Variants in KIRREL3 observed in about 807,000 individuals in gnomAD.
KIRREL3 encodes the protein kirre like nephrin family adhesion molecule 3.
Under a neutral mutation model 89.7 loss-of-function variants are expected in KIRREL3, and 36 were observed. The observed-to-expected ratio is 0.40, with a 90% CI of 0.31 to 0.53. KIRREL3 has a LOEUF of 0.53. Among genes scored for constraint, KIRREL3 ranks in the 20% least tolerant of loss-of-function variants. The probability of loss-of-function intolerance (pLI) is 0.49; values close to 1 mark genes in which losing one functional copy is unlikely to be tolerated. For synonymous variants in KIRREL3, 445 were observed against 441.4 expected, an observed-to-expected ratio of 1.01 and a Z score of -0.10; for missense variants, 864 against 1,056.6, an observed-to-expected ratio of 0.82 and a Z score of 2.53.
chr11:126,549,620 TC>T, intron 2 of KIRREL3: 1 of 152,280 alleles, frequency 6.6e-6, no homozygotes, highest in South Asian at 2.1e-4. Flanking sequence ...GTCTCAGCAC[TC>T]AAAGAATTCT....
In KIRREL3 at chr11:126,655,233, G is replaced by A. The variant is rs73030564; in HGVS notation, c.56-92321C>T. Among the ~76,000 whole-genome samples the A allele has an allele frequency of 6.4e-4, 97 of 152,352 alleles. No homozygotes were observed. Among genetic ancestry groups the A allele is most frequent in the South Asian group, 1.2e-3 (6 of 4,834 alleles). On this transcript the variant is annotated intron_variant, in intron 1 of 16. Coordinates refer to ENST00000525144, the MANE Select transcript of KIRREL3 (RefSeq NM_032531.4). This position sits in a 1 kb window ranked among gnomAD's most constrained non-coding sequence, Gnocchi z 5.0. ...TTGAGTCAGGATAATTTTTCCTGAT[G>A]TCAAAGCCTCACCCAGGAGAGCTCT...
intron 1 of KIRREL3, among the ~76,000 whole-genome samples, chr11:126,712,264 A>AGT (rs3045186): frequency 0.69 from 102,925 of 149,654 alleles, 35,867 homozygotes; most frequent in Non-Finnish European, 0.76. Context: ...GATAAGGGCG[A>AGT]GTGTGTGTGT....
chr11:126,679,791 T>C (rs1162630286), intron 1 of KIRREL3, among the ~76,000 whole-genome samples: 8 of 152,194 alleles, frequency 5.3e-5, no homozygotes, highest in Admixed American at 4.6e-4. Flanking sequence ...CCACTCCAAA[T>C]AGCCGGGGTT....
chr11:126,758,009 G>A (rs928422548), intron 1 of KIRREL3, among the ~76,000 whole-genome samples: 5 of 152,202 alleles, frequency 3.3e-5, no homozygotes, highest in Non-Finnish European at 5.9e-5. Flanking sequence ...GTTGCCAATC[G>A]GGAGGTGCTC....
chr11:126,816,961 C>T (rs764292769), intron 1 of KIRREL3, among the ~76,000 whole-genome samples: 7 of 152,064 alleles, frequency 4.6e-5, no homozygotes, highest in Non-Finnish European at 1.0e-4. Context: ...CCTTGTTAAA[C>T]AAATGTAGAT....
intron 1 of KIRREL3, among the ~76,000 whole-genome samples, chr11:126,842,744 A>G (rs757761948): frequency 1.3e-5 from 2 of 152,174 alleles, no homozygotes; most frequent in African/African-American, 2.4e-5. Flanking sequence ...GGGCCAGTTA[A>G]TGTTATTGGT....
intron 1 of KIRREL3, among the ~76,000 whole-genome samples, chr11:126,821,347 A>ATATATATATATATATATATATATG (rs1344371968): frequency 1.0e-4 from 12 of 115,882 alleles, no homozygotes; most frequent in African/African-American, 3.5e-4. Flanking sequence ...ATATATATAT[A>ATATATATATATATATATATATATG]TATATGTAAC....
In KIRREL3 at chr11:126,729,352, C is replaced by T. The variant is rs7924937; in HGVS notation, c.56-166440G>A. 0.38 allele frequency among the ~76,000 whole-genome samples: 57,874 copies of T among 151,964 alleles called. 12,116 individuals are homozygous for T. The highest frequency in any genetic ancestry group is 0.81 in the East Asian group (4,204 of 5,166). On this transcript the variant is annotated intron_variant, in intron 1 of 16. Coordinates refer to ENST00000525144, the MANE Select transcript of KIRREL3 (RefSeq NM_032531.4). The surrounding 1 kb of genome is among the most constrained non-coding windows in gnomAD (Gnocchi z 4.5). ...ATGTGGAAAGATATAGAAGAAGAAACAGGAAGTGGAGCCTGGTGAGGAACA... is the reference window on the plus strand; with the variant it reads ...ATGTGGAAAGATATAGAAGAAGAAATAGGAAGTGGAGCCTGGTGAGGAACA...
At chr11:126,671,411 A>T (rs965006743) in intron 1 of KIRREL3, among the ~76,000 whole-genome samples, 1 of 152,132 alleles carries the variant, frequency 6.6e-6, no homozygotes, top group African/African-American at 2.4e-5. Flanking sequence ...TGATCCATAA[A>T]ACAAAAAATT....
rs368816274 is a variant in KIRREL3 at position 126,796,970 on chromosome 11, G to A, written c.55+203485C>T. Among the ~76,000 whole-genome samples, 215 of 152,308 alleles carry A rather than the reference G, an allele frequency of 1.4e-3. 2 individuals are homozygous for A. Among genetic ancestry groups the A allele is most frequent in the Non-Finnish European group, 2.5e-3 (173 of 68,026 alleles). On this transcript the variant is annotated intron_variant, in intron 1 of 16. Transcript: ENST00000525144. The surrounding 1 kb of genome is among the most constrained non-coding windows in gnomAD (Gnocchi z 5.1). ...GAGCAGGAAGTGGGGAAGGGACCAG[G>A]GAGAATGTTTCTGGGGTGGAGGTCA...
Position 126,472,749 on chromosome 11 carries a change from G to T in KIRREL3, c.591+560C>A, listed in dbSNP as rs567957058. Among the ~76,000 whole-genome samples, 12 of 112,168 alleles carry T rather than the reference G, an allele frequency of 1.1e-4. 1 individual carries two copies. Among genetic ancestry groups the T allele is most frequent in the African/African-American group, 3.9e-4 (12 of 30,636 alleles). 73.6% of individuals were successfully genotyped at this position (112,168 alleles called of 152,430 possible). A position where few individuals can be genotyped will look rare whatever the true frequency, so the allele number is the denominator to read the frequency against. ...GAGAGAGAGCACAAGTCAGATAAAA[G>T]GATGGACACACATACAAATGAGTAG... On this transcript the variant is annotated intron_variant, in intron 5 of 16. Transcript: ENST00000525144.
intron 1 of KIRREL3, among the ~76,000 whole-genome samples, chr11:126,823,109 G>T (rs1943284901): frequency 1.3e-5 from 2 of 152,130 alleles, no homozygotes; most frequent in Non-Finnish European, 2.9e-5. Context: ...GAGACTAAAC[G>T]GTCCATCTGA....
rs527975820 is a variant in KIRREL3, at chr11:126,932,376, G to A, written c.55+68079C>T. Among the ~76,000 whole-genome samples, 40 of 151,996 alleles carry A rather than the reference G, an allele frequency of 2.6e-4. No individual in the cohort carries two copies. The South Asian group carries it at 7.8e-3, about 29-fold the overall frequency. On this transcript the variant is annotated intron_variant, in intron 1 of 16. Coordinates refer to ENST00000525144, the MANE Select transcript of KIRREL3 (RefSeq NM_032531.4). ...TTTCGGCCCGCACAGAAAGGGCAAA[G>A]CTCAATGCATTCAACCCAACAAGCA...
At chr11:126,425,785 G>A in intron 15 of KIRREL3, 61 bp from the exon 16 acceptor site, 1 of 1,330,900 alleles carries the variant, frequency 7.5e-7, no homozygotes, top group Non-Finnish European at 1.1e-6. Context: ...CTTCCCCCAA[G>A]GAAAAGATGA....
chr11:126,520,366 C>T lies in KIRREL3; in HGVS notation c.433+949G>A, dbSNP rs577900633. ...CGAGGTGGGGCAGGTAGCCCTGGAG[C>T]CCTGGCCAGGAGCCCATGGGCCAAG... On this transcript the variant is annotated intron_variant, in intron 4 of 16. Coordinates refer to ENST00000525144, the MANE Select transcript of KIRREL3 (RefSeq NM_032531.4). The surrounding 1 kb of genome is among the most constrained non-coding windows in gnomAD (Gnocchi z 4.9). 1.3e-5 allele frequency among the ~76,000 whole-genome samples: 2 copies of T among 152,156 alleles called. No individual in the cohort carries two copies. Among genetic ancestry groups the T allele is most frequent in the East Asian group, 3.9e-4 (2 of 5,184 alleles).
intron 1 of KIRREL3, among the ~76,000 whole-genome samples, chr11:126,859,617 G>T (rs1376316547): frequency 6.6e-6 from 1 of 152,162 alleles, no homozygotes; most frequent in Non-Finnish European, 1.5e-5. Context: ...CATGGAAAAG[G>T]CTTATAACTC....
intron 1 of KIRREL3, among the ~76,000 whole-genome samples, chr11:126,779,023 C>T (rs891207944): frequency 6.6e-6 from 1 of 152,210 alleles, no homozygotes; most frequent in Admixed American, 6.5e-5. Flanking sequence ...AGAATTGCTG[C>T]TGTGCTTAGA....
rs1286142122 is a variant in KIRREL3, at chr11:127,000,494, G to A, written c.16C>T (p.Leu6Phe). 8 of 1,607,884 alleles carry A rather than the reference G, an allele frequency of 5.0e-6. No individual in the cohort carries two copies. The Middle Eastern group carries it at 5.0e-4, about 99-fold the overall frequency. The change falls in exon 1 of 17, where the codon CTC (leucine) becomes TTC (phenylalanine). Residue 6 changes from leucine to phenylalanine, a missense_variant. By Grantham distance (22) the Leu-to-Phe change is conservative (BLOSUM62 0). Transcript: ENST00000525144. The surrounding 1 kb of genome is among the most constrained non-coding windows in gnomAD (Gnocchi z 7.1). The part of the protein sequence containing the change: MKPFQ[L>F]DLLFVCFFLF... ...AAGAAGCAGACGAAGAGCAGATCGA[G>A]CTGGAAGGGTTTCATTCCTTAGCGC...
intron 4 of KIRREL3, among the ~76,000 whole-genome samples, chr11:126,509,189 C>T (rs1039891673): frequency 1.3e-5 from 2 of 152,152 alleles, no homozygotes; most frequent in African/African-American, 4.8e-5. Flanking sequence ...ATCATGCCAC[C>T]GTTTCTCATC....
Sources: gnomAD v4.1 joint callset for allele counts (sites outside exome capture counted in the v4.1 genomes callset) on GRCh38, gnomAD v4.1.1 for gene constraint, Gnocchi (gnomAD v3.1) non-coding constraint, MANE v1.5 for transcripts, NCBI Gene and HGNC (gene_info 2026-07-23, HGNC 2026-07-21) for gene names.